Variants in CACNA2D3 observed in about 807,000 individuals in gnomAD.
CACNA2D3 encodes voltage-dependent calcium channel subunit alpha-2/delta-3.
CACNA2D3 carries 60 observed loss-of-function variants against 160.6 expected under a neutral mutation model. The ratio of observed to expected loss-of-function variants is 0.37; its 90% CI spans 0.30 to 0.46. The LOEUF (loss-of-function observed/expected upper bound fraction) is 0.46, where lower values mean the gene tolerates loss of function less well. CACNA2D3 is among the 20% of genes least tolerant of loss of function. CACNA2D3 has a pLI of 1.00. For synonymous variants in CACNA2D3, 558 were observed against 492.9 expected (o/e 1.13, Z -1.75); for missense variants, 1,205 against 1,365.0 (o/e 0.88, Z 1.85).
chr3:54,481,500 G>T (rs1700931791), intron 4 of CACNA2D3, among the ~76,000 whole-genome samples: 1 of 152,206 alleles, frequency 6.6e-6, no homozygotes, highest in Non-Finnish European at 1.5e-5. Context: ...AAAGATCAAA[G>T]ACTTCAAAAC....
intron 27 of CACNA2D3, among the ~76,000 whole-genome samples, chr3:54,921,050 A>G (rs527565893): frequency 4.6e-5 from 7 of 152,252 alleles, no homozygotes; most frequent in Admixed American, 2.0e-4. Context: ...CCACCATTTC[A>G]TGGGCCATGA....
At chr3:54,228,901 A>G (rs566615254) in intron 2 of CACNA2D3, among the ~76,000 whole-genome samples, 1 of 152,296 alleles carries the variant, frequency 6.6e-6, no homozygotes, top group African/African-American at 2.4e-5. Flanking sequence ...ATTTGTTTTC[A>G]TGGAAGACCC....
At chr3:54,511,433 T>A (rs913043471) in intron 5 of CACNA2D3, among the ~76,000 whole-genome samples, 1 of 152,162 alleles carries the variant, frequency 6.6e-6, no homozygotes, top group Non-Finnish European at 1.5e-5. Context: ...TTGAACTGAA[T>A]CCTCTTATTA....
intron 3 of CACNA2D3, among the ~76,000 whole-genome samples, chr3:54,355,767 A>T (rs1448072720): frequency 6.6e-6 from 1 of 152,200 alleles, no homozygotes; most frequent in African/African-American, 2.4e-5. Flanking sequence ...TATGGATGGT[A>T]TATTAAGTCA....
intron 12 of CACNA2D3, among the ~76,000 whole-genome samples, chr3:54,754,140 G>A (rs981602983): frequency 1.6e-4 from 24 of 152,170 alleles, no homozygotes; most frequent in African/African-American, 5.6e-4. Flanking sequence ...CCTGTTGCAT[G>A]TCAGAAACAA....
At chr3:54,653,743 G>A (rs932277078) in intron 11 of CACNA2D3, among the ~76,000 whole-genome samples, 1 of 152,200 alleles carries the variant, frequency 6.6e-6, no homozygotes, top group Admixed American at 6.5e-5. Flanking sequence ...AGGGGCCCAC[G>A]ACAGATGCAT....
At chr3:54,872,382 T>A (rs1699555401) in intron 18 of CACNA2D3, among the ~76,000 whole-genome samples, 3 of 152,126 alleles carry the variant, frequency 2.0e-5, no homozygotes, top group Non-Finnish European at 4.4e-5. Flanking sequence ...GGGTCCCTAC[T>A]CTTCCCTTTT....
At chr3:54,821,486 C>G (rs1703589665) in intron 14 of CACNA2D3, among the ~76,000 whole-genome samples, 1 of 152,042 alleles carries the variant, frequency 6.6e-6, no homozygotes, top group African/African-American at 2.4e-5. Flanking sequence ...AAATGGAGGT[C>G]GATTTTTGGT....
intron 2 of CACNA2D3, among the ~76,000 whole-genome samples, chr3:54,242,056 C>T (rs1341734285): frequency 1.3e-5 from 2 of 152,058 alleles, no homozygotes; most frequent in African/African-American, 4.8e-5. Context: ...TTTTCCTATA[C>T]ATACATACAT....
chr3:54,401,195 GGAAAAAAAA>G (rs1288453363), intron 4 of CACNA2D3, among the ~76,000 whole-genome samples: 1 of 151,548 alleles, frequency 6.6e-6, no homozygotes, highest in Non-Finnish European at 1.5e-5. Flanking sequence ...CCTAGTCAAC[GGAAAAAAAA>G]GAAAAATGAA....
chr3:54,806,801 C>G (rs1265838543), intron 13 of CACNA2D3, among the ~76,000 whole-genome samples: 1 of 152,086 alleles, frequency 6.6e-6, no homozygotes. Flanking sequence ...TGACTTCAAA[C>G]TATACTACAA....
intron 3 of CACNA2D3, among the ~76,000 whole-genome samples, chr3:54,363,023 C>T (rs907833716): frequency 5.3e-5 from 8 of 152,074 alleles, no homozygotes; most frequent in Admixed American, 1.3e-4. Flanking sequence ...GGTGAAACCT[C>T]GTCTCTACTA....
At position 54,316,053 on chromosome 3, in the gene CACNA2D3, C is replaced by T. The variant is rs141860564; in HGVS notation, c.205-4389C>T. Among the ~76,000 whole-genome samples the T allele has an allele frequency of 2.1e-3, 311 of 151,026 alleles. 3 individuals are homozygous for T. Among genetic ancestry groups the T allele is most frequent in the African/African-American group, 7.2e-3 (298 of 41,156 alleles). ...TGTGAATGTACAATCACATTGTGTA[C>T]ATTGTGTATGTCCTCCTAGCAGGGT... is the stretch of plus-strand genomic sequence containing the variant. On this transcript the variant is annotated intron_variant, in intron 2 of 37. Transcript: ENST00000474759.
intron 3 of CACNA2D3, among the ~76,000 whole-genome samples, chr3:54,378,886 C>T (rs922631323): frequency 1.3e-5 from 2 of 152,122 alleles, no homozygotes; most frequent in Non-Finnish European, 1.5e-5. Context: ...ATGTAGAATG[C>T]GATGGCTTTG....
intron 27 of CACNA2D3, among the ~76,000 whole-genome samples, chr3:54,912,681 C>G (rs905584799): frequency 1.3e-5 from 2 of 152,092 alleles, no homozygotes; most frequent in Non-Finnish European, 2.9e-5. Flanking sequence ...ATATCCCCAG[C>G]GTTCTCTCCT....
At chr3:54,955,443 C>A (rs1701863493) in intron 27 of CACNA2D3, among the ~76,000 whole-genome samples, 1 of 151,778 alleles carries the variant, frequency 6.6e-6, no homozygotes, top group South Asian at 2.1e-4. Flanking sequence ...AAGACAATTG[C>A]ATTTCTTTTG....
intron 3 of CACNA2D3, among the ~76,000 whole-genome samples, chr3:54,352,048 G>A (rs1317018587): frequency 2.6e-5 from 4 of 152,182 alleles, no homozygotes; most frequent in African/African-American, 4.8e-5. Context: ...GCATGGATAC[G>A]TGGATACATA....
At position 54,405,291 on chromosome 3, in the gene CACNA2D3, A is replaced by AG. The variant is rs1553650772; in HGVS notation, c.381+18518dup. 8.3e-3 allele frequency among the ~76,000 whole-genome samples: 1,193 copies of AG among 143,580 alleles called. 13 individuals are homozygous for AG. The highest frequency in any genetic ancestry group is 0.029 in the African/African-American group (1,105 of 38,584). The allele number at this position is 143,580 out of a possible 152,430, so 94.2% of individuals were successfully genotyped here. ...CAGTAAAAAAAAAAAAAAAAAAAAA[A>AG]GTTGGAGGCTTCACATTTCCTGTTA... On this transcript the variant is annotated intron_variant, in intron 4 of 37. Transcript: ENST00000474759.
intron 4 of CACNA2D3, among the ~76,000 whole-genome samples, chr3:54,417,431 C>G (rs1699770343): frequency 6.6e-6 from 1 of 152,158 alleles, no homozygotes; most frequent in Non-Finnish European, 1.5e-5. Flanking sequence ...TTCTTTCAGA[C>G]TACGAGTTGG....
Sources: allele counts gnomAD v4.1 joint callset (sites outside exome capture counted in the v4.1 genomes callset), GRCh38; gene constraint gnomAD v4.1.1; transcripts MANE v1.5; gene names NCBI Gene and HGNC (gene_info 2026-07-23, HGNC 2026-07-21).